The following MMP26 variants were observed in gnomAD, a reference collection of about 807,000 sequenced individuals.
MMP26 encodes the protein matrix metalloproteinase-26.
MMP26 carries 33 observed loss-of-function variants against 31.0 expected under a neutral mutation model. The observed-to-expected ratio is 1.06, with a 90% CI of 0.81 to 1.42. The LOEUF (loss-of-function observed/expected upper bound fraction) is 1.42, where lower values mean the gene tolerates loss of function less well. MMP26 is among the 40% of genes most tolerant of loss of function. The probability of loss-of-function intolerance (pLI) is 0.00; values close to 1 mark genes in which losing one functional copy is unlikely to be tolerated. For synonymous variants in MMP26, 122 were observed against 114.9 expected (o/e 1.06, Z -0.40); for missense variants, 347 against 316.1 (o/e 1.10, Z -0.74).
intron 2 of MMP26, among the ~76,000 whole-genome samples, chr11:4,933,363 T>A (rs955752162): frequency 6.6e-6 from 1 of 152,106 alleles, no homozygotes; most frequent in African/African-American, 2.4e-5. Context: ...GGATTCATAT[T>A]CTAACATCAA....
intron 2 of MMP26, among the ~76,000 whole-genome samples, chr11:4,899,883 G>A (rs1375068930): frequency 1.3e-5 from 2 of 152,092 alleles, no homozygotes; most frequent in African/African-American, 4.8e-5. Flanking sequence ...AACATAAATT[G>A]CAGAAATAGG....
At chr11:4,830,471 A>T (rs1246131778) in intron 2 of MMP26, among the ~76,000 whole-genome samples, 1 of 152,200 alleles carries the variant, frequency 6.6e-6, no homozygotes, top group Non-Finnish European at 1.5e-5. Context: ...CATGATGAAT[A>T]CAGTTGAATA....
At chr11:4,847,057 A>T (rs1849880920) in intron 2 of MMP26, among the ~76,000 whole-genome samples, 1 of 152,164 alleles carries the variant, frequency 6.6e-6, no homozygotes, top group Non-Finnish European at 1.5e-5. Context: ...TGGAAACCAG[A>T]TTCAAGGGGA....
chr11:4,928,319 T>A (rs1851301482), intron 2 of MMP26, among the ~76,000 whole-genome samples: 1 of 152,126 alleles, frequency 6.6e-6, no homozygotes, highest in African/African-American at 2.4e-5. Flanking sequence ...GTTTCTTCAT[T>A]ACCATTGGCC....
At chr11:4,930,461 C>T (rs978158895) in intron 2 of MMP26, among the ~76,000 whole-genome samples, 4 of 151,938 alleles carry the variant, frequency 2.6e-5, no homozygotes, top group Admixed American at 6.6e-5. Context: ...ACTCCTTTTT[C>T]GAGCCATCTT....
At chr11:4,776,013 T>C (rs1024179129) in intron 2 of MMP26, among the ~76,000 whole-genome samples, 4 of 152,152 alleles carry the variant, frequency 2.6e-5, no homozygotes, top group African/African-American at 4.8e-5. Flanking sequence ...GTGTAAACAT[T>C]GTTTAGCTCT....
rs747767682 is a variant in MMP26, at chr11:4,812,848, G to GAAACA, written c.-145+45511_-145+45515dup. On this transcript the variant is annotated intron_variant, in intron 2 of 7. Coordinates refer to ENST00000380390, the MANE Select transcript of MMP26 (RefSeq NM_021801.5). ...AGCCTTCTTTCTGTAACTATGTTTA[G>GAAACA]AAACAAAAGGAAAGGCAGATGTGTG... is the stretch of plus-strand genomic sequence containing the variant. Among the ~76,000 whole-genome samples the GAAACA allele has an allele frequency of 8.8e-4, 134 of 152,124 alleles. 1 individual carries two copies. The highest frequency in any genetic ancestry group is 1.7e-3 in the Non-Finnish European group (114 of 67,986).
chr11:4,916,077 G>C (rs2133575712), intron 2 of MMP26, among the ~76,000 whole-genome samples: 1 of 152,166 alleles, frequency 6.6e-6, no homozygotes, highest in Non-Finnish European at 1.5e-5. Flanking sequence ...TCAGCACTTT[G>C]GGAGGCCGAG....
At chr11:4,976,112 C>T (rs562067825) in intron 2 of MMP26, among the ~76,000 whole-genome samples, 60 of 152,128 alleles carry the variant, frequency 3.9e-4, no homozygotes, top group Admixed American at 1.4e-3. Context: ...GGAACTAGAA[C>T]ATTGCACAGA....
chr11:4,920,070 T>C (rs531430705), intron 2 of MMP26, among the ~76,000 whole-genome samples: 84 of 152,226 alleles, frequency 5.5e-4, no homozygotes, highest in African/African-American at 1.8e-3. Context: ...TTTTGGCCCC[T>C]GGGAAAGCTG....
At chr11:4,880,317 A>T (rs942427505) in intron 2 of MMP26, among the ~76,000 whole-genome samples, 3 of 152,060 alleles carry the variant, frequency 2.0e-5, no homozygotes, top group South Asian at 2.1e-4. Context: ...TGGAGAAAAA[A>T]ACTGAAGTGG....
chr11:4,766,973 G>A (rs80058742), intron 1 of MMP26, among the ~76,000 whole-genome samples: 9,879 of 152,024 alleles, frequency 0.065, 481 homozygotes, highest in Non-Finnish European at 0.1. Flanking sequence ...AATTACTCAA[G>A]AAAAAGACTC....
intron 2 of MMP26, among the ~76,000 whole-genome samples, chr11:4,802,987 A>G (rs1045935272): frequency 1.3e-4 from 20 of 152,184 alleles, no homozygotes; most frequent in Admixed American, 4.6e-4. Context: ...GTCTTTGTAC[A>G]TATGCACTTT....
chr11:4,980,671 T>C (rs1329339052), intron 2 of MMP26, among the ~76,000 whole-genome samples: 1 of 152,148 alleles, frequency 6.6e-6, no homozygotes, highest in East Asian at 1.9e-4. Context: ...ATTATACATG[T>C]TATTTCTTGA....
intron 2 of MMP26, among the ~76,000 whole-genome samples, chr11:4,787,988 G>T (rs887038563): frequency 3.3e-5 from 5 of 152,068 alleles, no homozygotes; most frequent in Admixed American, 6.6e-5. Context: ...TAAAAAATCT[G>T]GAATTTATAT....
At chr11:4,971,197 C>T (rs1161228062) in intron 2 of MMP26, among the ~76,000 whole-genome samples, 1 of 152,182 alleles carries the variant, frequency 6.6e-6, no homozygotes, top group South Asian at 2.1e-4. Flanking sequence ...AGACTTCCAG[C>T]CCAGCAGTTA....
intron 2 of MMP26, among the ~76,000 whole-genome samples, chr11:4,857,327 A>C (rs1023024688): frequency 7.9e-5 from 12 of 152,190 alleles, no homozygotes; most frequent in Non-Finnish European, 1.8e-4. Flanking sequence ...ATAGACTGCT[A>C]GCAAGACTAA....
At chr11:4,858,607 T>C (rs1352666688) in intron 2 of MMP26, among the ~76,000 whole-genome samples, 2 of 152,222 alleles carry the variant, frequency 1.3e-5, no homozygotes, top group African/African-American at 4.8e-5. Context: ...TCCATGCTCA[T>C]GGATGGGAAG....
At chr11:4,915,789 G>A (rs1338015616) in intron 2 of MMP26, 2 of 603,918 alleles carry the variant, frequency 3.3e-6, no homozygotes, top group Non-Finnish European at 5.7e-6. Flanking sequence ...CTAGAACTGT[G>A]CAGCTCTTTC....
Sources: allele counts gnomAD v4.1 joint callset (sites outside exome capture counted in the v4.1 genomes callset), GRCh38; gene constraint gnomAD v4.1.1; transcripts MANE v1.5; gene names NCBI Gene and HGNC (gene_info 2026-07-23, HGNC 2026-07-21).